Variants in CRPPA observed in about 807,000 individuals in gnomAD.
The protein encoded by CRPPA is D-ribitol-5-phosphate cytidylyltransferase.
CRPPA carries 43 observed loss-of-function variants against 52.0 expected under a neutral mutation model. The observed-to-expected ratio is 0.83, with a 90% CI of 0.65 to 1.07. The LOEUF is 1.07. Ranked by LOEUF, CRPPA falls within the 50% of genes least tolerant of loss-of-function variation. The pLI, the probability that CRPPA is intolerant of heterozygous loss-of-function variation, is 0.00. For missense variants in CRPPA, 629 were observed against 551.7 expected (o/e 1.14, Z -1.40); for synonymous variants, 250 against 203.5 (o/e 1.23, Z -1.94).
At chr7:16,114,270 C>T (rs924987344) in intron 9 of CRPPA, among the ~76,000 whole-genome samples, 9 of 148,524 alleles carry the variant, frequency 6.1e-5, no homozygotes, top group African/African-American at 1.7e-4. Flanking sequence ...TAGTACTGAA[C>T]GAGATCAAAG....
rs145914984 is a variant in CRPPA at position 16,173,221 on chromosome 7, G to A, written c.1251+42845C>T. On this transcript the variant is annotated intron_variant, in intron 9 of 9. Transcript: ENST00000407010. ...AGTTCATCCAGGTGGTTCTAGTGCA[G>A]GCTAGGAGTAAATTCATTAATCAAG... 1.4e-3 allele frequency among the ~76,000 whole-genome samples: 209 copies of A among 152,266 alleles called. 1 individual carries two copies. Among genetic ancestry groups the A allele is most frequent in the African/African-American group, 4.9e-3 (204 of 41,548 alleles).
intron 1 of CRPPA, among the ~76,000 whole-genome samples, chr7:16,417,133 CA>C (rs200167717): frequency 2.7e-5 from 4 of 147,690 alleles, no homozygotes; most frequent in African/African-American, 9.9e-5. Flanking sequence ...ATGAAAAAGC[CA>C]AAAAAAAACA....
At chr7:16,149,710 G>T (rs1783038261) in intron 9 of CRPPA, among the ~76,000 whole-genome samples, 1 of 152,146 alleles carries the variant, frequency 6.6e-6, no homozygotes, top group Non-Finnish European at 1.5e-5. Flanking sequence ...TATTGGCCAG[G>T]AGCGGGGGCT....
chr7:16,370,699 T>C (rs544970742), intron 3 of CRPPA, among the ~76,000 whole-genome samples: 2 of 151,928 alleles, frequency 1.3e-5, no homozygotes, highest in East Asian at 1.9e-4. Flanking sequence ...GTAGGGAAAG[T>C]CTGCACCTCT....
chr7:16,274,584 A>C (rs1044108152), intron 6 of CRPPA, among the ~76,000 whole-genome samples: 3 of 152,122 alleles, frequency 2.0e-5, no homozygotes, highest in Middle Eastern at 3.2e-3. Context: ...ATTTATCTCC[A>C]AAAAGGAAGA....
chr7:16,143,608 G>C (rs573735491), intron 9 of CRPPA, among the ~76,000 whole-genome samples: 1 of 152,230 alleles, frequency 6.6e-6, no homozygotes, highest in Non-Finnish European at 1.5e-5. Context: ...CTCTGACAGG[G>C]GAATGATGGA....
At chr7:16,245,180 T>C (rs1451156325) in intron 8 of CRPPA, among the ~76,000 whole-genome samples, 1 of 152,208 alleles carries the variant, frequency 6.6e-6, no homozygotes, top group Non-Finnish European at 1.5e-5. Context: ...TACAAACATA[T>C]GTATACATGT....
chr7:16,394,586 C>T (rs1438816981), intron 2 of CRPPA, among the ~76,000 whole-genome samples: 1 of 152,116 alleles, frequency 6.6e-6, no homozygotes, highest in Non-Finnish European at 1.5e-5. Context: ...CAAAGTTCTT[C>T]AGTAGTTTTT....
chr7:16,097,490 AC>A (rs1781958862), intron 9 of CRPPA, among the ~76,000 whole-genome samples: 2 of 152,190 alleles, frequency 1.3e-5, no homozygotes, highest in South Asian at 4.1e-4. Context: ...GATGAAATAC[AC>A]CATGTTTGGG....
At chr7:16,125,865 T>C (rs947630123) in intron 9 of CRPPA, among the ~76,000 whole-genome samples, 8 of 144,186 alleles carry the variant, frequency 5.5e-5, no homozygotes, top group Admixed American at 3.5e-4. Context: ...GTAGCAGTGT[T>C]AGATGTACAA....
At chr7:16,286,084 ATTT>A (rs1562608650) in intron 5 of CRPPA, among the ~76,000 whole-genome samples, 1,087 of 27,410 alleles carry the variant, frequency 0.04, 107 homozygotes, top group Non-Finnish European at 0.062. Flanking sequence ...TATATATAAT[ATTT>A]AAAAAAAAAA....
chr7:16,306,643 C>T (rs916784197), intron 4 of CRPPA, among the ~76,000 whole-genome samples: 6 of 152,122 alleles, frequency 3.9e-5, no homozygotes, highest in East Asian at 1.9e-4. Context: ...AGCAATAAAA[C>T]GCCTTAGAGT....
At chr7:16,397,851 A>G (rs1454856348) in intron 2 of CRPPA, among the ~76,000 whole-genome samples, 1 of 152,184 alleles carries the variant, frequency 6.6e-6, no homozygotes, top group African/African-American at 2.4e-5. Context: ...ACACGTAATC[A>G]TCACGTGATC....
chr7:16,312,716 C>A (rs980716186), intron 3 of CRPPA, among the ~76,000 whole-genome samples: 5 of 151,944 alleles, frequency 3.3e-5, no homozygotes, highest in Non-Finnish European at 7.4e-5. Flanking sequence ...ATGTTAGCTG[C>A]AGGTGTTCTG....
chr7:16,329,367 T>C (rs10254098), intron 3 of CRPPA, among the ~76,000 whole-genome samples: 2 of 140,520 alleles, frequency 1.4e-5, no homozygotes, highest in African/African-American at 5.1e-5. Flanking sequence ...TCAAAATAGA[T>C]TCTTATTAAA....
chr7:16,116,802 G>A (rs973213224), intron 9 of CRPPA, among the ~76,000 whole-genome samples: 5 of 152,166 alleles, frequency 3.3e-5, no homozygotes, highest in African/African-American at 1.2e-4. Context: ...TTGAATCCTG[G>A]ATCAGAAAAA....
chr7:16,297,780 A>G (rs1353060577), intron 5 of CRPPA, among the ~76,000 whole-genome samples: 1 of 152,194 alleles, frequency 6.6e-6, no homozygotes, highest in African/African-American at 2.4e-5. Flanking sequence ...TTGTGGTAGG[A>G]TACAAAATCC....
intron 8 of CRPPA, among the ~76,000 whole-genome samples, chr7:16,221,366 A>T (rs1782496080): frequency 6.6e-6 from 1 of 152,216 alleles, no homozygotes; most frequent in Non-Finnish European, 1.5e-5. Context: ...AGGCATCACC[A>T]TTCAGGACAT....
intron 3 of CRPPA, among the ~76,000 whole-genome samples, chr7:16,363,464 T>G (rs550456245): frequency 1.3e-5 from 2 of 152,096 alleles, no homozygotes; most frequent in Non-Finnish European, 2.9e-5. Flanking sequence ...TCAAACTAAT[T>G]CACATTAGAC....
Sources: gnomAD v4.1 joint callset for allele counts (sites outside exome capture counted in the v4.1 genomes callset) on GRCh38, gnomAD v4.1.1 for gene constraint, MANE v1.5 for transcripts, NCBI Gene and HGNC (gene_info 2026-07-23, HGNC 2026-07-21) for gene names.